The following LIN28A variants were observed in gnomAD, a reference collection of about 807,000 sequenced individuals.
LIN28A encodes lin-28 RNA binding posttranscriptional regulator A.
A neutral mutation model predicts 21.1 loss-of-function variants in LIN28A; 11 were observed. That is an observed-to-expected ratio of 0.52 (90% CI 0.33 to 0.86). LIN28A has a LOEUF of 0.86. Among genes scored for constraint, LIN28A ranks in the 40% least tolerant of loss-of-function variants. The pLI is 0.03. For missense variants in LIN28A, 219 were observed against 279.8 expected, an observed-to-expected ratio of 0.78 and a Z score of 1.55; for synonymous variants, 111 against 108.7, an observed-to-expected ratio of 1.02 and a Z score of -0.13.
At chr1:26,415,959 C>T (rs1356132332) in intron 2 of LIN28A, among the ~76,000 whole-genome samples, 3 of 152,154 alleles carry the variant, frequency 2.0e-5, no homozygotes, top group Non-Finnish European at 4.4e-5. Flanking sequence ...CCTCTTCTTT[C>T]TGAGACATGC....
intron 2 of LIN28A, among the ~76,000 whole-genome samples, chr1:26,416,720 C>T (rs2124289683): frequency 6.6e-6 from 1 of 152,200 alleles, no homozygotes; most frequent in South Asian, 2.1e-4. Context: ...CAGGTTTGAG[C>T]GATTTTCCTG....
chr1:26,424,858 C>T (rs1444098181), intron 2 of LIN28A, among the ~76,000 whole-genome samples: 1 of 152,080 alleles, frequency 6.6e-6, no homozygotes, highest in Non-Finnish European at 1.5e-5. Context: ...TCTCCTGCCT[C>T]AGTCTCCCAA....
Position 26,426,649 on chromosome 1 carries a change from C to T in LIN28A, c.*191C>T. 1 of 589,946 alleles carries T rather than the reference C, an allele frequency of 1.7e-6. No individual in the cohort carries two copies. Among genetic ancestry groups the T allele is most frequent in the Non-Finnish European group, 3.1e-6 (1 of 324,320 alleles). The allele number at this position is 589,946 out of a possible 1,614,324, so 36.5% of individuals were successfully genotyped here. On this transcript the variant is annotated 3_prime_UTR_variant, in exon 4 of 4. Transcript: ENST00000326279. Reference sequence around the variant, plus strand: ...GAGTCAAAGGAACTCCAACCATGCTCTGTCCAAATGCAAGTGAGGGTTCTG... The same window carrying T: ...GAGTCAAAGGAACTCCAACCATGCTTTGTCCAAATGCAAGTGAGGGTTCTG...
chr1:26,418,433 C>T (rs2075008402), intron 2 of LIN28A, among the ~76,000 whole-genome samples: 1 of 151,936 alleles, frequency 6.6e-6, no homozygotes, highest in African/African-American at 2.4e-5. Context: ...GTAGTCCCAG[C>T]TACTCGGCAG....
At chr1:26,413,732 C>T (rs1245785410) in intron 2 of LIN28A, among the ~76,000 whole-genome samples, 1 of 151,658 alleles carries the variant, frequency 6.6e-6, no homozygotes, top group Admixed American at 6.6e-5. Context: ...AGGCTTGGGT[C>T]AGGGGTCCTC....
chr1:26,428,999 T>C lies in LIN28A; in HGVS notation c.*2541T>C, dbSNP rs553533746. On this transcript the variant is annotated 3_prime_UTR_variant, in exon 4 of 4. Transcript: ENST00000326279. ...GGCCAACACAGTGAAACCCCGTCTC[T>C]ACTAAAATACAAAAAAATTAGCCGG... 87 of 152,432 alleles carry C rather than the reference T, an allele frequency of 5.7e-4. 1 individual carries two copies. Among genetic ancestry groups the C allele is most frequent in the South Asian group, 1.7e-3 (8 of 4,842 alleles). 9.4% of individuals were successfully genotyped at this position (152,432 alleles called of 1,614,324 possible).
In LIN28A at chr1:26,411,505, A is replaced by T. The variant is rs1570307509; in HGVS notation, c.151A>T (p.Met51Leu). The change falls in exon 2 of 4, where the codon ATG becomes TTG. Residue 51 changes from methionine (M) to leucine (L), a missense_variant. Physicochemically the swap from Met to Leu is conservative, Grantham distance 15. This residue lies in a region of LIN28A where 124 missense variants were observed against 193.1 expected (regional missense o/e 0.64). Coordinates refer to ENST00000326279, the MANE Select transcript of LIN28A (RefSeq NM_024674.6). This position sits in a 1 kb window ranked among gnomAD's most constrained non-coding sequence, Gnocchi z 5.4. ...AGICKWFNVR[M>L]GFGFLSMTAR... ...CATCTGTAAGTGGTTCAACGTGCGC[A>T]TGGGGTTCGGCTTCCTGTCCATGAC... 2.5e-6 allele frequency: 4 copies of T among 1,614,122 alleles called. No individual in the cohort carries two copies. The highest frequency in any genetic ancestry group is 3.4e-6 in the Non-Finnish European group (4 of 1,180,000).
At chr1:26,420,931 G>A (rs188595940) in intron 2 of LIN28A, among the ~76,000 whole-genome samples, 1 of 152,262 alleles carries the variant, frequency 6.6e-6, no homozygotes, top group Non-Finnish European at 1.5e-5. Context: ...TGCAGTAAGT[G>A]GCATGATAGA....
At chr1:26,412,920 G>A (rs1209298723) in intron 2 of LIN28A, among the ~76,000 whole-genome samples, 3 of 152,120 alleles carry the variant, frequency 2.0e-5, no homozygotes, top group Non-Finnish European at 4.4e-5. Context: ...AAGAGGACCT[G>A]CAGCAGGATA....
chr1:26,411,949 G>A lies in LIN28A; in HGVS notation c.228+367G>A, dbSNP rs1430293684. On this transcript the variant is annotated intron_variant, in intron 2 of 3. Coordinates refer to ENST00000326279, the MANE Select transcript of LIN28A (RefSeq NM_024674.6). The surrounding 1 kb of genome is among the most constrained non-coding windows in gnomAD (Gnocchi z 5.4). ...CAGGCCGGCCAGGGAAGCACATGCC[G>A]GGCCTAAGCCGGGAGCCCAGCTCCT... 6.6e-6 allele frequency among the ~76,000 whole-genome samples: 1 copy of A among 152,216 alleles called. No individual in the cohort carries two copies. Among genetic ancestry groups the A allele is most frequent in the African/African-American group, 2.4e-5 (1 of 41,462 alleles).
intron 2 of LIN28A, among the ~76,000 whole-genome samples, chr1:26,423,147 A>T (rs1230554351): frequency 6.6e-6 from 1 of 151,936 alleles, no homozygotes; most frequent in Admixed American, 6.6e-5. Context: ...CCCGGGTTCA[A>T]ACAATTGCCT....
At chr1:26,414,514 G>A (rs539306357) in intron 2 of LIN28A, among the ~76,000 whole-genome samples, 7 of 152,274 alleles carry the variant, frequency 4.6e-5, no homozygotes, top group African/African-American at 1.4e-4. Flanking sequence ...AAGAGTAGAT[G>A]AGTGGGGGGA....
In LIN28A at chr1:26,423,413, C is replaced by CTTTTTTTTTTT. The variant is rs1202952934; in HGVS notation, c.229-1877_229-1867dup. On this transcript the variant is annotated intron_variant, in intron 2 of 3. Transcript: ENST00000326279. ...TTATGATTTCCTTTTTTTTCTTTTT[C>CTTTTTTTTTTT]TTTTTTTTTTTTTTTTTTTTTTTGT... is the stretch of plus-strand genomic sequence containing the variant. Among the ~76,000 whole-genome samples, 172 of 78,818 alleles carry CTTTTTTTTTTT rather than the reference C, an allele frequency of 2.2e-3. 1 individual carries two copies. The highest frequency in any genetic ancestry group is 0.01 in the East Asian group (22 of 2,162). The allele number at this position is 78,818 out of a possible 152,430, so 51.7% of individuals were successfully genotyped here. A position where few individuals can be genotyped will look rare whatever the true frequency, so the allele number is the denominator to read the frequency against.
At chr1:26,413,234 G>A (rs1049980366) in intron 2 of LIN28A, among the ~76,000 whole-genome samples, 3 of 152,058 alleles carry the variant, frequency 2.0e-5, no homozygotes, top group African/African-American at 7.2e-5. Flanking sequence ...CCCCAACTTT[G>A]GGAGGCTGGA....
chr1:26,412,238 T>A (rs1460096110), intron 2 of LIN28A, among the ~76,000 whole-genome samples: 1 of 152,012 alleles, frequency 6.6e-6, no homozygotes, highest in Non-Finnish European at 1.5e-5. Context: ...TGGGCCAGGC[T>A]GGGAGGGAAG....
Position 26,425,382 on chromosome 1 carries a change from G to T in LIN28A, c.308G>T (p.Gly103Val). The T allele has an allele frequency of 6.2e-7, 1 of 1,614,188 alleles. No homozygotes were observed. Among genetic ancestry groups the T allele is most frequent in the Non-Finnish European group, 8.5e-7 (1 of 1,180,036 alleles). The change falls in exon 3 of 4, where the codon GGT becomes GTT. Residue 103 changes from glycine to valine, a missense_variant. Gly to Val is a moderately radical substitution (Grantham distance 109). Transcript: ENST00000326279. Reference sequence around the variant, plus strand: ...TTCACCTTTAAGAAGTCAGCCAAGGGTCTGGAATCCATCCGTGTCACCGGA... The same window carrying T: ...TTCACCTTTAAGAAGTCAGCCAAGGTTCTGGAATCCATCCGTGTCACCGGA... The part of the protein sequence containing the change: ...VEFTFKKSAK[G>V]LESIRVTGPG...
chr1:26,412,023 G>C (rs138587603), intron 2 of LIN28A, among the ~76,000 whole-genome samples: 225 of 152,348 alleles, frequency 1.5e-3, no homozygotes, highest in Non-Finnish European at 2.5e-3. Flanking sequence ...AGGGCAACTG[G>C]CTACTGGACC....
chr1:26,412,886 C>T (rs920138137), intron 2 of LIN28A, among the ~76,000 whole-genome samples: 3 of 152,034 alleles, frequency 2.0e-5, no homozygotes, highest in African/African-American at 7.2e-5. Flanking sequence ...GCCATGGGGT[C>T]AGTGGGCTAC....
chr1:26,415,663 A>G lies in LIN28A; in HGVS notation c.228+4081A>G, dbSNP rs151263985. Reference sequence around the variant, plus strand: ...AGACTAGAGATACTGAGGGGTGTCAATTGTAGCTGCTCGCTTTCTGGGCTG... The same window carrying G: ...AGACTAGAGATACTGAGGGGTGTCAGTTGTAGCTGCTCGCTTTCTGGGCTG... On this transcript the variant is annotated intron_variant, in intron 2 of 3. Coordinates refer to ENST00000326279, the MANE Select transcript of LIN28A (RefSeq NM_024674.6). Among the ~76,000 whole-genome samples, 20 of 152,274 alleles carry G rather than the reference A, an allele frequency of 1.3e-4. No individual in the cohort carries two copies. The East Asian group carries it at 3.3e-3, about 25-fold the overall frequency.
Sources: allele counts gnomAD v4.1 joint callset (sites outside exome capture counted in the v4.1 genomes callset), GRCh38; gene constraint gnomAD v4.1.1; regional missense constraint gnomAD v4.1.1; non-coding constraint Gnocchi (gnomAD v3.1); transcripts MANE v1.5; gene names NCBI Gene and HGNC (gene_info 2026-07-23, HGNC 2026-07-21).